CACNA2D3: variants seen among roughly 807,000 people sequenced by gnomAD.
The protein encoded by CACNA2D3 is voltage-dependent calcium channel subunit alpha-2/delta-3.
Under a neutral mutation model 160.6 loss-of-function variants are expected in CACNA2D3, and 60 were observed. That is an observed-to-expected ratio of 0.37 (90% CI 0.30 to 0.46). The LOEUF (loss-of-function observed/expected upper bound fraction) is 0.46. CACNA2D3 is among the 20% of genes least tolerant of loss of function. The probability of loss-of-function intolerance (pLI) is 1.00; values close to 1 mark genes in which losing one functional copy is unlikely to be tolerated. For missense variants in CACNA2D3, 1,205 were observed against 1,365.0 expected (o/e 0.88, Z 1.85); for synonymous variants, 558 against 492.9 (o/e 1.13, Z -1.75).
rs11414571 is a variant in CACNA2D3, at chr3:54,323,468, C to CTTT, written c.321+2923_321+2925dup. Among the ~76,000 whole-genome samples, 158 of 138,494 alleles carry CTTT rather than the reference C, an allele frequency of 1.1e-3. 1 individual carries two copies. Among genetic ancestry groups the CTTT allele is most frequent in the African/African-American group, 2.0e-3 (76 of 37,296 alleles). The allele number at this position is 138,494 out of a possible 152,430, so 90.9% of individuals were successfully genotyped here. ...TCCTCTCCTCTTTTCTTTTTCTTTTCTTTTTTTTTTTTTTTAAAGACAGAG... is the reference window on the plus strand; with the variant it reads ...TCCTCTCCTCTTTTCTTTTTCTTTTCTTTTTTTTTTTTTTTTTTAAAGACAGAG... On this transcript the variant is annotated intron_variant, in intron 3 of 37. Transcript: ENST00000474759.
chr3:54,764,425 G>T, intron 13 of CACNA2D3, 74 bp downstream of exon 13: 11 of 1,552,576 alleles, frequency 7.1e-6, no homozygotes, highest in Non-Finnish European at 9.7e-6. Context: ...CCAGAAAATA[G>T]CAACTGTATC....
At chr3:54,506,266 A>G (rs1290511402) in intron 5 of CACNA2D3, among the ~76,000 whole-genome samples, 2 of 152,178 alleles carry the variant, frequency 1.3e-5, no homozygotes, top group African/African-American at 2.4e-5. Context: ...TACTCAAAAC[A>G]AATGCTCAGA....
rs1921546 is a variant in CACNA2D3, at chr3:54,799,863, A to G, written c.1381-16990A>G. Among the ~76,000 whole-genome samples the G allele has an allele frequency of 8.5e-3, 1,289 of 152,270 alleles. 24 individuals are homozygous for G. The highest frequency in any genetic ancestry group is 0.028 in the African/African-American group (1,157 of 41,558). On this transcript the variant is annotated intron_variant, in intron 13 of 37. Coordinates refer to ENST00000474759, the MANE Select transcript of CACNA2D3 (RefSeq NM_018398.3). The stretch of plus-strand genomic sequence containing the variant: ...GGTTGACAGGAGGCTGAAAGGAAGT[A>G]TCAGTACCTTCCTCTACTGTGTCCC...
chr3:54,605,907 T>G (rs1698598374), intron 9 of CACNA2D3, among the ~76,000 whole-genome samples: 1 of 152,236 alleles, frequency 6.6e-6, no homozygotes, highest in African/African-American at 2.4e-5. Context: ...CCAGCTCATT[T>G]GAGTGACTTT....
chr3:54,390,238 C>A (rs970727357), intron 4 of CACNA2D3, among the ~76,000 whole-genome samples: 3 of 152,160 alleles, frequency 2.0e-5, no homozygotes, highest in Non-Finnish European at 4.4e-5. Flanking sequence ...TTTTGTCCAT[C>A]TGAAGCTATT....
chr3:54,376,580 T>C (rs550423804), intron 3 of CACNA2D3, among the ~76,000 whole-genome samples: 11 of 152,316 alleles, frequency 7.2e-5, no homozygotes, highest in African/African-American at 2.2e-4. Context: ...CCTCCTATTG[T>C]AGCCCACGCC....
chr3:54,631,327 C>T (rs1009584782), intron 10 of CACNA2D3, among the ~76,000 whole-genome samples: 2 of 151,932 alleles, frequency 1.3e-5, no homozygotes, highest in African/African-American at 4.8e-5. Context: ...TAGGGAGAAA[C>T]ATTTCATATC....
chr3:54,811,702 T>C (rs528596178), intron 13 of CACNA2D3, among the ~76,000 whole-genome samples: 100 of 152,118 alleles, frequency 6.6e-4, no homozygotes, highest in African/African-American at 2.3e-3. Flanking sequence ...GGTTTCGCCA[T>C]GTTGGCCATG....
intron 4 of CACNA2D3, among the ~76,000 whole-genome samples, chr3:54,417,824 T>G: frequency 6.6e-6 from 1 of 151,076 alleles, no homozygotes; most frequent in Non-Finnish European, 1.5e-5. Context: ...GTTACTCCTG[T>G]CACCCAGGCT....
At chr3:55,044,806 G>T (rs1704040472) in intron 35 of CACNA2D3, among the ~76,000 whole-genome samples, 1 of 151,914 alleles carries the variant, frequency 6.6e-6, no homozygotes, top group Admixed American at 6.6e-5. Flanking sequence ...AATTTCTTGA[G>T]ATTTATTTCT....
intron 2 of CACNA2D3, among the ~76,000 whole-genome samples, chr3:54,298,944 TAAAAAAAAA>T (rs59100168): frequency 1.4e-4 from 14 of 99,254 alleles, no homozygotes; most frequent in Non-Finnish European, 2.3e-4. Context: ...CTCTGTTTCT[TAAAAAAAAA>T]AAAAAAAAAA....
chr3:54,402,075 T>A (rs562956030), intron 4 of CACNA2D3, among the ~76,000 whole-genome samples: 1 of 152,314 alleles, frequency 6.6e-6, no homozygotes, highest in African/African-American at 2.4e-5. Context: ...CTATTATAAC[T>A]GTATGATGTT....
chr3:54,819,321 G>C (rs1157806626), intron 14 of CACNA2D3, among the ~76,000 whole-genome samples: 2 of 152,196 alleles, frequency 1.3e-5, no homozygotes, highest in East Asian at 3.8e-4. Flanking sequence ...TCTCTTACCT[G>C]TTCCTCGCAC....
intron 4 of CACNA2D3, among the ~76,000 whole-genome samples, chr3:54,389,108 A>G (rs888028732): frequency 1.3e-5 from 2 of 152,164 alleles, no homozygotes; most frequent in African/African-American, 4.8e-5. Context: ...CAGCTTGGCC[A>G]ACATGGTGAA....
intron 4 of CACNA2D3, among the ~76,000 whole-genome samples, chr3:54,429,851 C>T (rs985469950): frequency 1.3e-5 from 2 of 152,090 alleles, no homozygotes; most frequent in African/African-American, 4.8e-5. Context: ...CTATGGATTT[C>T]ATTATACTGC....
At chr3:54,901,707 C>T (rs1700336941) in intron 27 of CACNA2D3, among the ~76,000 whole-genome samples, 1 of 152,134 alleles carries the variant, frequency 6.6e-6, no homozygotes, top group Non-Finnish European at 1.5e-5. Flanking sequence ...CGTATTTAGT[C>T]CTTACCTTTT....
chr3:54,298,658 G>C (rs986488580), intron 2 of CACNA2D3, among the ~76,000 whole-genome samples: 3 of 152,090 alleles, frequency 2.0e-5, no homozygotes, highest in African/African-American at 7.2e-5. Context: ...CAATTAGCCA[G>C]GTGCGGTGGT....
chr3:54,147,395 G>A (rs536087494), intron 2 of CACNA2D3, among the ~76,000 whole-genome samples: 5 of 152,242 alleles, frequency 3.3e-5, no homozygotes, highest in Admixed American at 2.6e-4. Context: ...AATCAGAGGA[G>A]CCCTTGCTTG....
At chr3:54,211,508 C>T (rs2107363135) in intron 2 of CACNA2D3, among the ~76,000 whole-genome samples, 1 of 152,296 alleles carries the variant, frequency 6.6e-6, no homozygotes, top group South Asian at 2.1e-4. Flanking sequence ...ATAGATCCTG[C>T]TAAACTGACT....
Sources: allele counts gnomAD v4.1 joint callset (sites outside exome capture counted in the v4.1 genomes callset), GRCh38; gene constraint gnomAD v4.1.1; transcripts MANE v1.5; gene names NCBI Gene and HGNC (gene_info 2026-07-23, HGNC 2026-07-21).